The following ADAMTS12 variants were observed in gnomAD, a reference collection of about 807,000 sequenced individuals.
ADAMTS12 encodes ADAM metallopeptidase with thrombospondin type 1 motif 12.
A neutral mutation model predicts 167.8 loss-of-function variants in ADAMTS12; 118 were observed. The observed-to-expected ratio is 0.70, with a 90% confidence interval of 0.61 to 0.82. The LOEUF (loss-of-function observed/expected upper bound fraction) is 0.82. Ranked by LOEUF, ADAMTS12 falls within the 40% of genes least tolerant of loss-of-function variation. ADAMTS12 has a pLI of 0.00. For missense variants in ADAMTS12, 1,916 were observed against 1,998.8 expected, an observed-to-expected ratio of 0.96 and a Z score of 0.79; for synonymous variants, 704 against 716.9, an observed-to-expected ratio of 0.98 and a Z score of 0.29.
chr5:33,891,624 T>C (rs1750856880), intron 1 of ADAMTS12, 106 bp downstream of exon 1: 12 of 1,537,930 alleles, frequency 7.8e-6, no homozygotes, highest in Admixed American at 2.0e-5. Context: ...CCAAATGGCT[T>C]TTCAGAGTTC....
chr5:33,683,962 C>A lies in ADAMTS12; in HGVS notation c.728G>T (p.Ser243Ile). The A allele has an allele frequency of 6.2e-7, 1 of 1,612,794 alleles. No individual in the cohort carries two copies. Among genetic ancestry groups the A allele is most frequent in the Non-Finnish European group, 8.5e-7 (1 of 1,179,560 alleles). ...PSRSLSRRSI[S>I]KERWVETLVV... Reference sequence around the variant, plus strand: ...CAGTGTCTCCACCCATCTCTCCTTGCTGATGGAACGCCGAGAGAGGCTTCT... The same window carrying A: ...CAGTGTCTCCACCCATCTCTCCTTGATGATGGAACGCCGAGAGAGGCTTCT... Residue 243 changes from serine to isoleucine, a missense_variant, in exon 4 of 24, where the codon AGC becomes ATC. By Grantham distance (142) the Ser-to-Ile change is moderately radical (BLOSUM62 -2). Transcript: ENST00000504830.
At chr5:33,546,227 A>G (rs1425567115) in intron 21 of ADAMTS12, 25 bp from the exon 22 acceptor site, 1 of 1,594,756 alleles carries the variant, frequency 6.3e-7, no homozygotes. Flanking sequence ...TGACAAGATT[A>G]GGTAAAAGTC....
intron 16 of ADAMTS12, among the ~76,000 whole-genome samples, chr5:33,609,678 A>G (rs1738627380): frequency 6.6e-6 from 1 of 152,192 alleles, no homozygotes; most frequent in Admixed American, 6.5e-5. Flanking sequence ...AAATAAGTCA[A>G]CGTAAACAAA....
At chr5:33,816,061 T>C (rs1157283898) in intron 2 of ADAMTS12, among the ~76,000 whole-genome samples, 2 of 152,182 alleles carry the variant, frequency 1.3e-5, no homozygotes, top group East Asian at 3.9e-4. Flanking sequence ...CCATAGTGAC[T>C]AGGAGCAAGT....
intron 7 of ADAMTS12, among the ~76,000 whole-genome samples, chr5:33,650,450 G>T (rs911429878): frequency 6.6e-6 from 1 of 152,166 alleles, no homozygotes; most frequent in African/African-American, 2.4e-5. Context: ...AAACATTCTT[G>T]TTTTCTTTTT....
rs1457797068 is a variant in ADAMTS12, at chr5:33,618,461, T to C, written c.2144-2389A>G. 2.0e-5 allele frequency among the ~76,000 whole-genome samples: 3 copies of C among 152,252 alleles called. No homozygotes were observed. In the South Asian group the frequency reaches 6.2e-4, roughly 31 times the overall value. ...CTAATCCTTCTTCCACCATTTGCTT[T>C]AGTTTCAGTGTCTGTATCACAGAAG... On this transcript the variant is annotated intron_variant, in intron 14 of 23. Coordinates refer to ENST00000504830, the MANE Select transcript of ADAMTS12 (RefSeq NM_030955.4).
chr5:33,541,315 C>A (rs1484331522), intron 22 of ADAMTS12, among the ~76,000 whole-genome samples: 2 of 152,118 alleles, frequency 1.3e-5, no homozygotes, highest in East Asian at 3.9e-4. Context: ...ACAAAGCCTC[C>A]AAGAAATATG....
intron 16 of ADAMTS12, among the ~76,000 whole-genome samples, chr5:33,611,232 C>T (rs1738713034): frequency 6.6e-6 from 1 of 152,076 alleles, no homozygotes; most frequent in Admixed American, 6.6e-5. Context: ...AGTATTTAAC[C>T]ATATACATGA....
intron 5 of ADAMTS12, among the ~76,000 whole-genome samples, chr5:33,669,814 G>A (rs937984177): frequency 1.3e-5 from 2 of 151,400 alleles, no homozygotes; most frequent in African/African-American, 4.9e-5. Context: ...GAAAGAGAAA[G>A]AAGAATTTCA....
intron 22 of ADAMTS12, among the ~76,000 whole-genome samples, chr5:33,545,798 G>A (rs1744943929): frequency 6.6e-6 from 1 of 151,024 alleles, no homozygotes; most frequent in South Asian, 2.1e-4. Context: ...ACTCATAGGT[G>A]GGAACTGAAC....
intron 16 of ADAMTS12, among the ~76,000 whole-genome samples, chr5:33,601,236 T>C (rs894812629): frequency 1.3e-5 from 2 of 152,022 alleles, no homozygotes; most frequent in African/African-American, 4.8e-5. Flanking sequence ...TGGACAATCC[T>C]GCTAACCTTC....
At chr5:33,542,478 T>C (rs563538716) in intron 22 of ADAMTS12, among the ~76,000 whole-genome samples, 1 of 152,278 alleles carries the variant, frequency 6.6e-6, no homozygotes, top group Admixed American at 6.5e-5. Flanking sequence ...AACAAGGATA[T>C]CCAGGACTTG....
intron 2 of ADAMTS12, among the ~76,000 whole-genome samples, chr5:33,880,692 G>C (rs1055017407): frequency 3.3e-5 from 5 of 152,260 alleles, no homozygotes; most frequent in African/African-American, 7.2e-5. Context: ...GAAGCACACA[G>C]AGTCAACTAT....
chr5:33,728,923 T>C (rs746209169), intron 3 of ADAMTS12, among the ~76,000 whole-genome samples: 1 of 152,248 alleles, frequency 6.6e-6, no homozygotes, highest in East Asian at 1.9e-4. Context: ...CACATGCATA[T>C]GTGTATATGT....
chr5:33,660,921 G>C (rs1336567256), intron 6 of ADAMTS12, among the ~76,000 whole-genome samples: 1 of 152,166 alleles, frequency 6.6e-6, no homozygotes. Context: ...GTAGACATTT[G>C]GATAGGGTGG....
chr5:33,662,530 T>C (rs972453514), intron 5 of ADAMTS12, among the ~76,000 whole-genome samples: 3 of 151,964 alleles, frequency 2.0e-5, no homozygotes, highest in African/African-American at 7.3e-5. Flanking sequence ...TTGACACCCA[T>C]GGGTGAAGGA....
chr5:33,777,554 C>T (rs992626412), intron 2 of ADAMTS12, among the ~76,000 whole-genome samples: 1 of 152,054 alleles, frequency 6.6e-6, no homozygotes, highest in African/African-American at 2.4e-5. Context: ...CCATATATGA[C>T]AGGCCCTCAG....
chr5:33,880,320 A>G (rs1197835208), intron 2 of ADAMTS12, among the ~76,000 whole-genome samples: 1 of 152,228 alleles, frequency 6.6e-6, no homozygotes, highest in Non-Finnish European at 1.5e-5. Context: ...GCCAATATTC[A>G]TTGAGTGTTT....
chr5:33,839,287 G>T (rs984609446), intron 2 of ADAMTS12, among the ~76,000 whole-genome samples: 1 of 152,226 alleles, frequency 6.6e-6, no homozygotes, highest in Non-Finnish European at 1.5e-5. Context: ...AATATAAGCT[G>T]TGTGTGCTAT....
Sources: gnomAD v4.1 joint callset for allele counts (sites outside exome capture counted in the v4.1 genomes callset) on GRCh38, gnomAD v4.1.1 for gene constraint, MANE v1.5 for transcripts, NCBI Gene and HGNC (gene_info 2026-07-23, HGNC 2026-07-21) for gene names.